The following SMYD3 variants were observed in gnomAD, a reference collection of about 807,000 sequenced individuals.
SMYD3 encodes SET and MYND domain containing 3, also known as histone-lysine N-methyltransferase SMYD3.
A neutral mutation model predicts 57.7 loss-of-function variants in SMYD3; 36 were observed. The ratio of observed to expected loss-of-function variants is 0.62; its 90% CI spans 0.48 to 0.82. The LOEUF is 0.82. Among genes scored for constraint, SMYD3 ranks in the 40% least tolerant of loss-of-function variants. The pLI, the probability that SMYD3 is intolerant of heterozygous loss-of-function variation, is 0.00. For synonymous variants in SMYD3, 211 were observed against 195.0 expected, an observed-to-expected ratio of 1.08 and a Z score of -0.68; for missense variants, 515 against 538.8, an observed-to-expected ratio of 0.96 and a Z score of 0.44.
chr1:246,263,929 T>TA (rs2064057882), intron 5 of SMYD3, among the ~76,000 whole-genome samples: 1 of 152,168 alleles, frequency 6.6e-6, no homozygotes. Context: ...ATCCCCAAAT[T>TA]AAGCCAAAAT....
chr1:245,856,021 C>T (rs540966147), intron 10 of SMYD3, among the ~76,000 whole-genome samples: 178 of 152,324 alleles, frequency 1.2e-3, no homozygotes, highest in African/African-American at 3.7e-3. Context: ...TGCAGGGAGC[C>T]GATGCGGGGG....
At chr1:246,122,297 A>G (rs1023263844) in intron 5 of SMYD3, among the ~76,000 whole-genome samples, 8 of 152,122 alleles carry the variant, frequency 5.3e-5, no homozygotes, top group Non-Finnish European at 1.0e-4. Context: ...TTGTAGTCCC[A>G]GCTACTCAGG....
chr1:246,475,421 T>C (rs2068017431), intron 1 of SMYD3, among the ~76,000 whole-genome samples: 1 of 150,982 alleles, frequency 6.6e-6, no homozygotes, highest in Non-Finnish European at 1.5e-5. Flanking sequence ...GGTAGGTGGA[T>C]CATTTGAGGT....
intron 1 of SMYD3, among the ~76,000 whole-genome samples, chr1:246,389,543 TC>T (rs1421268196): frequency 0.01 from 501 of 50,000 alleles, 38 homozygotes; most frequent in Non-Finnish European, 0.014. Context: ...GAAAATCACC[TC>T]GAGGTTGAAG....
chr1:246,268,726 GAAAGAAAAGA>G (rs923785730), intron 5 of SMYD3, among the ~76,000 whole-genome samples: 2 of 151,532 alleles, frequency 1.3e-5, no homozygotes, highest in Admixed American at 1.3e-4. Context: ...AAGAGAAGAG[GAAAGAAAAGA>G]AAAGAAAAGA....
intron 5 of SMYD3, among the ~76,000 whole-genome samples, chr1:246,033,290 A>AC (rs113451207): frequency 2.6e-5 from 4 of 151,944 alleles, no homozygotes; most frequent in South Asian, 2.1e-4. Context: ...TGAAAAAAAA[A>AC]CCCAGAAGGT....
chr1:245,813,349 T>C (rs2048605707), intron 10 of SMYD3, among the ~76,000 whole-genome samples: 1 of 152,016 alleles, frequency 6.6e-6, no homozygotes, highest in South Asian at 2.1e-4. Context: ...TTCTCTTAGA[T>C]AAAATGTATA....
intron 1 of SMYD3, among the ~76,000 whole-genome samples, chr1:246,402,413 C>T (rs2066787855): frequency 9.6e-6 from 1 of 104,270 alleles, no homozygotes; most frequent in Middle Eastern, 5.3e-3. Context: ...CACGTGATAC[C>T]TCTGTGATTT....
chr1:246,353,502 C>A (rs1044066709), intron 2 of SMYD3, among the ~76,000 whole-genome samples: 22 of 152,052 alleles, frequency 1.4e-4, no homozygotes, highest in Non-Finnish European at 2.9e-4. Context: ...GCACTCCAGT[C>A]CAAGAGACAA....
At chr1:246,223,528 C>A (rs1199864338) in intron 5 of SMYD3, among the ~76,000 whole-genome samples, 2 of 152,076 alleles carry the variant, frequency 1.3e-5, no homozygotes, top group African/African-American at 2.4e-5. Context: ...TAGCACTTTA[C>A]AAAGTATTTG....
intron 10 of SMYD3, among the ~76,000 whole-genome samples, chr1:245,780,938 T>TA (rs1213128423): frequency 1.3e-5 from 2 of 152,186 alleles, no homozygotes; most frequent in African/African-American, 4.8e-5. Flanking sequence ...AAAGTACTAA[T>TA]ACATGTTACA....
intron 10 of SMYD3, among the ~76,000 whole-genome samples, chr1:245,852,171 C>T (rs974823534): frequency 6.6e-6 from 1 of 152,214 alleles, no homozygotes; most frequent in Non-Finnish European, 1.5e-5. Context: ...AGAAGAGCTG[C>T]TACATTCAGG....
At chr1:246,485,439 T>A (rs2068171187) in intron 1 of SMYD3, among the ~76,000 whole-genome samples, 1 of 152,168 alleles carries the variant, frequency 6.6e-6, no homozygotes, top group Admixed American at 6.5e-5. Flanking sequence ...AATGTATAAT[T>A]ACTGTTGACA....
At chr1:246,055,451 G>GA (rs915806676) in intron 5 of SMYD3, among the ~76,000 whole-genome samples, 2 of 151,986 alleles carry the variant, frequency 1.3e-5, no homozygotes, top group Admixed American at 1.3e-4. Flanking sequence ...AAGAAGACAA[G>GA]AAAAAATTTT....
At chr1:245,943,415 A>C (rs2057324849) in intron 5 of SMYD3, among the ~76,000 whole-genome samples, 1 of 152,154 alleles carries the variant, frequency 6.6e-6, no homozygotes, top group Admixed American at 6.5e-5. Flanking sequence ...CTGGACACAT[A>C]CATCCTCCCA....
At chr1:246,313,822 G>T (rs2065116803) in intron 5 of SMYD3, among the ~76,000 whole-genome samples, 1 of 152,120 alleles carries the variant, frequency 6.6e-6, no homozygotes, top group Non-Finnish European at 1.5e-5. Context: ...TTATAGCATA[G>T]AAAATGTTTA....
intron 1 of SMYD3, among the ~76,000 whole-genome samples, chr1:246,495,153 T>C (rs576585255): frequency 1.3e-4 from 19 of 151,868 alleles, no homozygotes; most frequent in African/African-American, 4.3e-4. Context: ...ATCGAGACCA[T>C]CCTGGCTAAC....
At chr1:246,506,402 G>A (rs1055014282) in intron 1 of SMYD3, among the ~76,000 whole-genome samples, 2 of 152,168 alleles carry the variant, frequency 1.3e-5, no homozygotes, top group South Asian at 4.1e-4. Flanking sequence ...GCACACGGGG[G>A]ACCCGTGTCT....
intron 8 of SMYD3, among the ~76,000 whole-genome samples, chr1:245,904,241 G>T (rs2054396819): frequency 6.6e-6 from 1 of 152,068 alleles, no homozygotes; most frequent in Non-Finnish European, 1.5e-5. Context: ...TTTATAAGGT[G>T]CTCTTCCTGC....
Sources: gnomAD v4.1 joint callset for allele counts (sites outside exome capture counted in the v4.1 genomes callset) on GRCh38, gnomAD v4.1.1 for gene constraint, MANE v1.5 for transcripts, NCBI Gene and HGNC (gene_info 2026-07-23, HGNC 2026-07-21) for gene names.